The following AMBRA1 variants were observed in gnomAD, a reference collection of about 807,000 sequenced individuals.
The protein encoded by AMBRA1 is activating molecule in BECN1-regulated autophagy protein 1.
Under a neutral mutation model 125.4 loss-of-function variants are expected in AMBRA1, and 47 were observed. The ratio of observed to expected loss-of-function variants is 0.37; its 90% CI spans 0.30 to 0.48. The LOEUF is 0.48. Among genes scored for constraint, AMBRA1 ranks in the 20% least tolerant of loss-of-function variants. AMBRA1 has a pLI of 0.99. For synonymous variants in AMBRA1, 626 were observed against 655.5 expected, an observed-to-expected ratio of 0.95 and a Z score of 0.69; for missense variants, 1,331 against 1,693.4, an observed-to-expected ratio of 0.79 and a Z score of 3.76.
chr11:46,505,294 A>T (rs1384947781), intron 9 of AMBRA1, among the ~76,000 whole-genome samples: 2 of 152,194 alleles, frequency 1.3e-5, no homozygotes, highest in Non-Finnish European at 2.9e-5. Context: ...CTCCCTCCTC[A>T]CAGAGCACGT....
rs529939942 is a variant in AMBRA1, at chr11:46,404,143, C to T, written c.3403+4370G>A. The stretch of plus-strand genomic sequence containing the variant: ...GGTCGAGGCTGCAGTGAGCCGTGTT[C>T]GTGTCACTGTACTCCAGCCTGGATG... On this transcript the variant is annotated intron_variant, in intron 17 of 17. Transcript: ENST00000683756. Among the ~76,000 whole-genome samples the T allele has an allele frequency of 1.3e-4, 20 of 152,300 alleles. No individual in the cohort carries two copies. In the South Asian group the frequency reaches 2.3e-3, roughly 17 times the overall value.
chr11:46,460,559 G>A lies in AMBRA1; in HGVS notation c.2522-16961C>T, dbSNP rs182958182. 1.5e-4 allele frequency among the ~76,000 whole-genome samples: 23 copies of A among 152,168 alleles called. No individual in the cohort carries two copies. The East Asian group carries it at 3.7e-3, about 24-fold the overall frequency. ...AAGATGGTCTTGATCTCCTGACCTC[G>A]TGATCCGCCCACCTCAGCCTCCCAA... On this transcript the variant is annotated intron_variant, in intron 11 of 17. Transcript: ENST00000683756.
Position 46,548,518 on chromosome 11 carries a change from A to T in AMBRA1, c.-120-18T>A. ...ATGGAAATCTTAAGGAACAAAGAATAATGTCAAAGAACGACTTCTGCAACG... is the reference window on the plus strand; with the variant it reads ...ATGGAAATCTTAAGGAACAAAGAATTATGTCAAAGAACGACTTCTGCAACG... On this transcript the variant is annotated intron_variant, in intron 1 of 17. Transcript: ENST00000683756. 3 of 1,055,104 alleles carry T rather than the reference A, an allele frequency of 2.8e-6. No homozygotes were observed. Among genetic ancestry groups the T allele is most frequent in the Non-Finnish European group, 4.0e-6 (3 of 755,364 alleles). The allele number at this position is 1,055,104 out of a possible 1,614,324, so 65.4% of individuals were successfully genotyped here.
At chr11:46,507,709 T>C (rs908196209) in intron 9 of AMBRA1, among the ~76,000 whole-genome samples, 1 of 152,312 alleles carries the variant, frequency 6.6e-6, no homozygotes, top group Admixed American at 6.5e-5. Context: ...GAGTAGGATC[T>C]TAAAGAGTCA....
intron 1 of AMBRA1, among the ~76,000 whole-genome samples, chr11:46,571,895 G>C (rs1357153220): frequency 6.6e-6 from 1 of 151,708 alleles, no homozygotes; most frequent in African/African-American, 2.4e-5. Flanking sequence ...TCACCATGTT[G>C]GTCAGGCTGG....
At chr11:46,438,245 G>A (rs760131276) in intron 12 of AMBRA1, among the ~76,000 whole-genome samples, 15 of 152,274 alleles carry the variant, frequency 9.9e-5, no homozygotes, top group East Asian at 1.9e-4. Context: ...GGGCAGCTCC[G>A]GAGGGAGAAA....
chr11:46,488,900 A>G (rs1452605708), intron 11 of AMBRA1, among the ~76,000 whole-genome samples: 1 of 152,024 alleles, frequency 6.6e-6, no homozygotes, highest in East Asian at 1.9e-4. Flanking sequence ...TTCAGTAAAA[A>G]GGTTTTTTTG....
chr11:46,593,427 C>T (rs1482297408), intron 1 of AMBRA1, among the ~76,000 whole-genome samples: 1 of 152,062 alleles, frequency 6.6e-6, no homozygotes, highest in African/African-American at 2.4e-5. Flanking sequence ...ACTCAAAGGT[C>T]CCTTCAAAGG....
chr11:46,478,648 C>CTT (rs11449187), intron 11 of AMBRA1, among the ~76,000 whole-genome samples: 10,446 of 81,018 alleles, frequency 0.13, 439 homozygotes, highest in Non-Finnish European at 0.14. Context: ...TCTTTTTTCT[C>CTT]TTTTTTTTTT....
intron 1 of AMBRA1, chr11:46,591,000 C>G (rs908680213): frequency 6.6e-6 from 1 of 152,096 alleles, no homozygotes; most frequent in Admixed American, 6.5e-5. Context: ...AGTTGATAAG[C>G]TCTATCCCTG....
chr11:46,434,342 C>T (rs902764364), intron 13 of AMBRA1, among the ~76,000 whole-genome samples: 9 of 151,332 alleles, frequency 5.9e-5, no homozygotes, highest in Admixed American at 3.3e-4. Flanking sequence ...AAACAAAAAA[C>T]ACTTAAATTC....
intron 12 of AMBRA1, among the ~76,000 whole-genome samples, chr11:46,440,717 C>T (rs1947962132): frequency 6.6e-6 from 1 of 152,138 alleles, no homozygotes; most frequent in African/African-American, 2.4e-5. Context: ...GAATGAATTA[C>T]TGGACATGTG....
chr11:46,488,353 G>A (rs1950333943), intron 11 of AMBRA1, among the ~76,000 whole-genome samples: 1 of 152,054 alleles, frequency 6.6e-6, no homozygotes, highest in Non-Finnish European at 1.5e-5. Flanking sequence ...CTACTCAGGA[G>A]GCTGAGGCAG....
intron 11 of AMBRA1, among the ~76,000 whole-genome samples, chr11:46,479,814 A>G (rs932569273): frequency 1.3e-5 from 2 of 152,242 alleles, no homozygotes; most frequent in African/African-American, 4.8e-5. Flanking sequence ...TACATGTGTG[A>G]AACTATCTGT....
chr11:46,402,386 G>A (rs928102445), intron 17 of AMBRA1, among the ~76,000 whole-genome samples: 1 of 152,100 alleles, frequency 6.6e-6, no homozygotes, highest in Non-Finnish European at 1.5e-5. Context: ...TTTTGAGACG[G>A]AGTCTTGCTC....
At chr11:46,519,870 T>TGGC (rs1565245356) in intron 7 of AMBRA1, among the ~76,000 whole-genome samples, 1 of 152,208 alleles carries the variant, frequency 6.6e-6, no homozygotes, top group Non-Finnish European at 1.5e-5. Context: ...AGGATCCCGG[T>TGGC]GGCTCACGCC....
chr11:46,508,161 G>C, intron 9 of AMBRA1, 30 bp downstream of exon 9: 1 of 1,612,296 alleles, frequency 6.2e-7, no homozygotes, highest in Non-Finnish European at 8.5e-7. Flanking sequence ...TGAGAGGAGA[G>C]GGAAGAAAGC....
At chr11:46,417,426 ATTG>A (rs1946594632) in intron 15 of AMBRA1, among the ~76,000 whole-genome samples, 1 of 152,180 alleles carries the variant, frequency 6.6e-6, no homozygotes, top group African/African-American at 2.4e-5. Flanking sequence ...GCAAGACAGA[ATTG>A]TTGTTAGAGA....
chr11:46,463,459 T>C (rs750025985), intron 11 of AMBRA1, among the ~76,000 whole-genome samples: 23 of 152,214 alleles, frequency 1.5e-4, no homozygotes, highest in Non-Finnish European at 5.9e-5. Context: ...CACTTGAATA[T>C]ATCTGACTTG....
Sources: gnomAD v4.1 joint callset for allele counts (sites outside exome capture counted in the v4.1 genomes callset) on GRCh38, gnomAD v4.1.1 for gene constraint, MANE v1.5 for transcripts, NCBI Gene and HGNC (gene_info 2026-07-23, HGNC 2026-07-21) for gene names.